Variants in UHRF2 observed in about 807,000 individuals in gnomAD.
The protein encoded by UHRF2 is ubiquitin like with PHD and ring finger domains 2.
A neutral mutation model predicts 96.8 loss-of-function variants in UHRF2; 23 were observed. The observed-to-expected ratio is 0.24, with a 90% CI of 0.17 to 0.34. The LOEUF is 0.34. Among genes scored for constraint, UHRF2 ranks in the 10% least tolerant of loss-of-function variants. The pLI, the probability that UHRF2 is intolerant of heterozygous loss-of-function variation, is 1.00. For missense variants in UHRF2, 685 were observed against 981.5 expected (o/e 0.70, Z 4.04); for synonymous variants, 385 against 332.6 (o/e 1.16, Z -1.72).
intron 9 of UHRF2, among the ~76,000 whole-genome samples, chr9:6,491,000 C>G (rs1360098469): frequency 2.6e-5 from 4 of 152,112 alleles, no homozygotes; most frequent in Non-Finnish European, 5.9e-5. Flanking sequence ...TTCATGAAGC[C>G]AGTGATCTTT....
intron 3 of UHRF2, among the ~76,000 whole-genome samples, chr9:6,436,152 G>A (rs1820835732): frequency 6.6e-6 from 1 of 152,096 alleles, no homozygotes; most frequent in Non-Finnish European, 1.5e-5. Context: ...AGAAATCCTA[G>A]AACGCTTATT....
intron 1 of UHRF2, 72 bp from the exon 2 acceptor site, chr9:6,420,840 C>G: frequency 7.9e-7 from 1 of 1,266,790 alleles, no homozygotes; most frequent in Admixed American, 1.7e-5. Flanking sequence ...TTGGCTAGGA[C>G]ATTTGAGCAA....
At position 6,500,614 on chromosome 9, in the gene UHRF2, T is replaced by G. The variant is rs1274892590; in HGVS notation, c.2068T>G (p.Phe690Val). 6.2e-7 allele frequency: 1 copy of G among 1,613,836 alleles called. No individual in the cohort carries two copies. Among genetic ancestry groups the G allele is most frequent in the Non-Finnish European group, 8.5e-7 (1 of 1,179,970 alleles). ...AGATTCAGCAGAAGCAATTGAGGCT[T>G]TTCAACTAACTCCTCAACAGCAACA... The part of the protein sequence containing the change: ...ASDSAEAIEA[F>V]QLTPQQQHLI... The change falls in exon 14 of 16, where the codon TTT (phenylalanine) becomes GTT (valine). Residue 690 changes from phenylalanine to valine, a missense_variant. Phe to Val is a conservative substitution (Grantham distance 50, BLOSUM62 -1). This residue lies in a region of UHRF2 where 99 missense variants were observed against 73.5 expected (regional missense o/e 1.35). Transcript: ENST00000276893.
rs1481305171 is a variant in UHRF2 at position 6,506,888 on chromosome 9, T to C, written c.*709T>C. 1 of 152,668 alleles carries C rather than the reference T, an allele frequency of 6.6e-6. No individual in the cohort carries two copies. Among genetic ancestry groups the C allele is most frequent in the Non-Finnish European group, 1.5e-5 (1 of 68,040 alleles). The allele number at this position is 152,668 out of a possible 1,614,324, so 9.5% of individuals were successfully genotyped here. On this transcript the variant is annotated 3_prime_UTR_variant, in exon 16 of 16. Transcript: ENST00000276893. ...TGTTCATGAAAATCCACTTCTCTAC[T>C]AGTCGAACTGCTTTTAGTGTCTCAC...
intron 6 of UHRF2, among the ~76,000 whole-genome samples, chr9:6,481,054 C>T (rs112917458): frequency 0.016 from 2,504 of 152,220 alleles, 71 homozygotes; most frequent in African/African-American, 0.058. Context: ...AGACGTATAC[C>T]TTGCTTTTTA....
chr9:6,435,861 G>C (rs1334947990), intron 3 of UHRF2, among the ~76,000 whole-genome samples: 1 of 151,862 alleles, frequency 6.6e-6, no homozygotes, highest in African/African-American at 2.4e-5. Context: ...CACCCACCTT[G>C]GCCTCCCAAA....
At chr9:6,486,168 A>G (rs1366339676) in intron 8 of UHRF2, among the ~76,000 whole-genome samples, 1 of 152,162 alleles carries the variant, frequency 6.6e-6, no homozygotes, top group Non-Finnish European at 1.5e-5. Flanking sequence ...AAGCAGAATT[A>G]TTTTTAAAAG....
chr9:6,446,722 G>A lies in UHRF2; in HGVS notation c.644+12549G>A, dbSNP rs907769797. Among the ~76,000 whole-genome samples, 3 of 152,032 alleles carry A rather than the reference G, an allele frequency of 2.0e-5. No individual in the cohort carries two copies. In the East Asian group the frequency reaches 6.0e-4, roughly 30 times the overall value. ...TTGCTTGGTGTGGTGGTGCACACCT[G>A]TAGTCCCAGCTACTTGGGAGACTGA... On this transcript the variant is annotated intron_variant, in intron 3 of 15. Coordinates refer to ENST00000276893, the MANE Select transcript of UHRF2 (RefSeq NM_152896.3).
intron 6 of UHRF2, among the ~76,000 whole-genome samples, chr9:6,480,118 A>T (rs963514318): frequency 1.3e-5 from 2 of 152,068 alleles, no homozygotes; most frequent in Admixed American, 6.6e-5. Flanking sequence ...TTACTTACTA[A>T]CCTTGGTCTC....
intron 9 of UHRF2, among the ~76,000 whole-genome samples, chr9:6,488,851 C>A (rs943358672): frequency 6.7e-6 from 1 of 150,344 alleles, no homozygotes; most frequent in African/African-American, 2.5e-5. Flanking sequence ...CTCACTCTGT[C>A]TTCCAGGCTA....
rs958666098 is a variant in UHRF2 at position 6,503,017 on chromosome 9, C to T, written c.2164-1576C>T. 9.2e-5 allele frequency among the ~76,000 whole-genome samples: 14 copies of T among 152,146 alleles called. No individual in the cohort carries two copies. The East Asian group carries it at 9.6e-4, about 10-fold the overall frequency. On this transcript the variant is annotated intron_variant, in intron 14 of 15. Coordinates refer to ENST00000276893, the MANE Select transcript of UHRF2 (RefSeq NM_152896.3). ...TTTGTTTGTTTGTTTGTTTTTGAGACGGAGTTGTGGTCTGTCTCCCAGGCT... is the reference window on the plus strand; with the variant it reads ...TTTGTTTGTTTGTTTGTTTTTGAGATGGAGTTGTGGTCTGTCTCCCAGGCT...
chr9:6,447,091 A>G (rs185110261), intron 3 of UHRF2, among the ~76,000 whole-genome samples: 11 of 152,030 alleles, frequency 7.2e-5, no homozygotes, highest in African/African-American at 1.9e-4. Flanking sequence ...GGGTTTCACC[A>G]TGTTAGCCAG....
chr9:6,413,562 G>A lies in UHRF2; in HGVS notation c.72G>A (p.Thr24=), dbSNP rs758153587. The part of the protein sequence containing the change: ...CTIEDVSRKA[T]IEELRERVWA... ...TTGAGGACGTGTCTCGCAAAGCCAC[G>A]ATTGAGGAGCTGCGCGAGCGGGTGT... Residue 24 remains threonine (T), a synonymous_variant, in exon 1 of 16, where the codon ACG becomes ACA. Transcript: ENST00000276893. The A allele has an allele frequency of 2.0e-5, 32 of 1,601,762 alleles. No individual in the cohort carries two copies. Among genetic ancestry groups the A allele is most frequent in the Non-Finnish European group, 2.6e-5 (31 of 1,174,774 alleles).
intron 15 of UHRF2, among the ~76,000 whole-genome samples, chr9:6,505,617 A>G (rs1345851186): frequency 2.6e-5 from 4 of 151,988 alleles, no homozygotes; most frequent in African/African-American, 9.7e-5. Flanking sequence ...TTTTTTGAAG[A>G]CTCACCATAT....
chr9:6,455,886 A>G (rs891452831), intron 3 of UHRF2, among the ~76,000 whole-genome samples: 5 of 152,122 alleles, frequency 3.3e-5, no homozygotes, highest in Admixed American at 6.6e-5. Context: ...TGGGAGGCTG[A>G]GGTAAGAGGA....
intron 5 of UHRF2, among the ~76,000 whole-genome samples, chr9:6,476,311 T>G (rs931650040): frequency 2.0e-5 from 3 of 152,228 alleles, no homozygotes; most frequent in Admixed American, 6.5e-5. Context: ...CTGTTATAGA[T>G]TCTGTCCAAA....
At chr9:6,489,579 G>A (rs545511224) in intron 9 of UHRF2, among the ~76,000 whole-genome samples, 1 of 152,296 alleles carries the variant, frequency 6.6e-6, no homozygotes, top group Admixed American at 6.5e-5. Flanking sequence ...AGCATTCGCT[G>A]TTGTTGCTGT....
At chr9:6,447,569 T>C (rs1821594965) in intron 3 of UHRF2, among the ~76,000 whole-genome samples, 1 of 152,084 alleles carries the variant, frequency 6.6e-6, no homozygotes, top group Non-Finnish European at 1.5e-5. Flanking sequence ...AGAAAGCATA[T>C]AGTGAGTAAG....
chr9:6,500,450 A>T, intron 13 of UHRF2, 102 bp from the exon 14 acceptor site: 1 of 1,006,188 alleles, frequency 9.9e-7, no homozygotes, highest in Non-Finnish European at 1.4e-6. Flanking sequence ...TATGTTGGTT[A>T]TCTTTCTGCT....
Sources: gnomAD v4.1 joint callset for allele counts (sites outside exome capture counted in the v4.1 genomes callset) on GRCh38, gnomAD v4.1.1 for gene constraint, gnomAD v4.1.1 regional missense constraint, MANE v1.5 for transcripts, NCBI Gene and HGNC (gene_info 2026-07-23, HGNC 2026-07-21) for gene names.